The following TMEM117 variants were observed in gnomAD, a reference collection of about 807,000 sequenced individuals.
TMEM117 encodes transmembrane protein 117.
Under a neutral mutation model 52.4 loss-of-function variants are expected in TMEM117, and 27 were observed. The ratio of observed to expected loss-of-function variants is 0.51; its 90% CI spans 0.38 to 0.71. TMEM117 has a LOEUF of 0.71. Ranked by LOEUF, TMEM117 falls within the 30% of genes least tolerant of loss-of-function variation. The pLI, the probability that TMEM117 is intolerant of heterozygous loss-of-function variation, is 0.00. For synonymous variants in TMEM117, 215 were observed against 206.3 expected (o/e 1.04, Z -0.36); for missense variants, 556 against 630.5 (o/e 0.88, Z 1.26).
rs530483295 is a variant in TMEM117, at chr12:44,030,497, C to T, written c.410+86155C>T. Among the ~76,000 whole-genome samples the T allele has an allele frequency of 3.4e-4, 52 of 152,240 alleles. No homozygotes were observed. In the South Asian group the frequency reaches 0.01, roughly 30 times the overall value. On this transcript the variant is annotated intron_variant, in intron 3 of 7. Transcript: ENST00000266534. ...AAAAGTAAAAGTCACTAAGAGTTAA[C>T]AGTGTAATGTGTATTTGAGACTCCT...
intron 2 of TMEM117, among the ~76,000 whole-genome samples, chr12:43,925,777 G>A (rs1319614202): frequency 2.0e-5 from 3 of 152,222 alleles, no homozygotes; most frequent in African/African-American, 4.8e-5. Flanking sequence ...TATATCTGGT[G>A]GGGCTTAGAC....
chr12:44,058,432 A>G (rs1034744996), intron 3 of TMEM117, among the ~76,000 whole-genome samples: 1 of 152,192 alleles, frequency 6.6e-6, no homozygotes, highest in African/African-American at 2.4e-5. Context: ...TATGCTGTGA[A>G]TACCAATGTA....
intron 3 of TMEM117, among the ~76,000 whole-genome samples, chr12:44,059,687 C>T (rs1385216652): frequency 6.6e-6 from 1 of 152,204 alleles, no homozygotes; most frequent in Non-Finnish European, 1.5e-5. Flanking sequence ...GCAACATTCT[C>T]TAATGGATTG....
chr12:43,872,951 T>A (rs1324524165), intron 2 of TMEM117, among the ~76,000 whole-genome samples: 1 of 152,128 alleles, frequency 6.6e-6, no homozygotes, highest in Non-Finnish European at 1.5e-5. Context: ...CTGGAAAATA[T>A]CTTGAAATAA....
intron 3 of TMEM117, among the ~76,000 whole-genome samples, chr12:44,126,732 T>C (rs1948331566): frequency 6.6e-6 from 1 of 152,200 alleles, no homozygotes; most frequent in Non-Finnish European, 1.5e-5. Flanking sequence ...AACATAAACA[T>C]GACCTCTATT....
At chr12:44,048,917 A>G (rs1288715113) in intron 3 of TMEM117, among the ~76,000 whole-genome samples, 1 of 152,218 alleles carries the variant, frequency 6.6e-6, no homozygotes, top group African/African-American at 2.4e-5. Context: ...TGCTGTAATC[A>G]TTTTTGTCAT....
At chr12:44,375,393 A>G (rs1357690978) in intron 6 of TMEM117, among the ~76,000 whole-genome samples, 1 of 152,170 alleles carries the variant, frequency 6.6e-6, no homozygotes, top group Non-Finnish European at 1.5e-5. Context: ...TCTTTTTAGC[A>G]GCTTGAAATG....
At chr12:43,796,339 T>A in the TMEM117 span, among the ~76,000 whole-genome samples, 1 of 152,128 alleles carries the variant, frequency 6.6e-6, no homozygotes, top group Non-Finnish European at 1.5e-5. Context: ...GCATGAAGGG[T>A]TCAGAACCTA....
chr12:43,855,068 A>G lies in TMEM117; in HGVS notation c.277+10140A>G, dbSNP rs142678862. Among the ~76,000 whole-genome samples the G allele has an allele frequency of 1.9e-3, 287 of 152,358 alleles. 1 individual carries two copies. The highest frequency in any genetic ancestry group is 6.6e-3 in the African/African-American group (276 of 41,574). ...TGTTAATATTTCTGTATATATGTAT[A>G]CATATTTACATGAAGTTGGATAAGT... On this transcript the variant is annotated intron_variant, in intron 2 of 7. Coordinates refer to ENST00000266534, the MANE Select transcript of TMEM117 (RefSeq NM_032256.3).
chr12:43,844,106 T>C (rs1324816814), intron 1 of TMEM117, among the ~76,000 whole-genome samples: 2 of 152,186 alleles, frequency 1.3e-5, no homozygotes, highest in African/African-American at 4.8e-5. Flanking sequence ...GAACTTTAGG[T>C]GGGCAGATCA....
chr12:44,145,725 C>T (rs1455994574), intron 4 of TMEM117, among the ~76,000 whole-genome samples: 1 of 152,130 alleles, frequency 6.6e-6, no homozygotes, highest in Non-Finnish European at 1.5e-5. Flanking sequence ...TCCAGAGTGT[C>T]TGGAGTTTAT....
rs187941988 is a variant in TMEM117, at chr12:44,254,787, T to G, written c.608+43400T>G. On this transcript the variant is annotated intron_variant, in intron 5 of 7. Transcript: ENST00000266534. ...CTCGTCATTTAGCATTAGGTATATCTCCTAAAGCTATCCCTCCCCTCTCCC... is the reference window on the plus strand; with the variant it reads ...CTCGTCATTTAGCATTAGGTATATCGCCTAAAGCTATCCCTCCCCTCTCCC... Among the ~76,000 whole-genome samples, 352 of 152,234 alleles carry G rather than the reference T, an allele frequency of 2.3e-3. 12 individuals are homozygous for G. In the East Asian group the frequency reaches 0.035, roughly 15 times the overall value.
At chr12:44,211,841 C>T (rs753649330) in intron 5 of TMEM117, among the ~76,000 whole-genome samples, 52 of 152,094 alleles carry the variant, frequency 3.4e-4, no homozygotes, top group Non-Finnish European at 5.4e-4. Context: ...GCTCTCCAGC[C>T]CAATCTTTGC....
chr12:44,003,446 G>A (rs1039336923), intron 3 of TMEM117, among the ~76,000 whole-genome samples: 2 of 152,124 alleles, frequency 1.3e-5, no homozygotes, highest in Non-Finnish European at 1.5e-5. Context: ...GCACACAGGT[G>A]GAAAAAGCCT....
intron 6 of TMEM117, among the ~76,000 whole-genome samples, chr12:44,302,773 G>A (rs1438345376): frequency 6.6e-6 from 1 of 152,136 alleles, no homozygotes; most frequent in African/African-American, 2.4e-5. Context: ...TGTGGTAAGA[G>A]AGTTAATTTA....
the TMEM117 span, among the ~76,000 whole-genome samples, chr12:43,830,603 C>A: frequency 1.5e-5 from 2 of 135,198 alleles, no homozygotes; most frequent in South Asian, 2.3e-4. Flanking sequence ...GAGCAAGACA[C>A]TTGTCTCAAA....
At chr12:43,803,874 T>C in the TMEM117 span, among the ~76,000 whole-genome samples, 1 of 151,962 alleles carries the variant, frequency 6.6e-6, no homozygotes, top group Non-Finnish European at 1.5e-5. Context: ...CACTGGAATA[T>C]TTTAATATAT....
At chr12:44,199,145 G>C (rs1156952158) in intron 4 of TMEM117, among the ~76,000 whole-genome samples, 2 of 148,780 alleles carry the variant, frequency 1.3e-5, no homozygotes, top group East Asian at 4.1e-4. Context: ...TCATGATAAA[G>C]AGTCTTTCTT....
chr12:44,051,596 C>T (rs766495213), intron 3 of TMEM117, among the ~76,000 whole-genome samples: 1 of 152,164 alleles, frequency 6.6e-6, no homozygotes, highest in Non-Finnish European at 1.5e-5. Context: ...CATTTAAAGG[C>T]ATCTATTTAA....
Sources: allele counts gnomAD v4.1 joint callset (sites outside exome capture counted in the v4.1 genomes callset), GRCh38; gene constraint gnomAD v4.1.1; transcripts MANE v1.5; gene names NCBI Gene and HGNC (gene_info 2026-07-23, HGNC 2026-07-21).